Variants in PPFIA2 observed in about 807,000 individuals in gnomAD.
PPFIA2 encodes the protein PPFI scaffold protein A2, also known as liprin-alpha-2.
Under a neutral mutation model 175.5 loss-of-function variants are expected in PPFIA2, and 46 were observed. That is an observed-to-expected ratio of 0.26 (90% CI 0.21 to 0.34). The LOEUF (loss-of-function observed/expected upper bound fraction) is 0.34, where lower values mean the gene tolerates loss of function less well. Among genes scored for constraint, PPFIA2 ranks in the 10% least tolerant of loss-of-function variants. The pLI is 1.00. For missense variants in PPFIA2, 1,179 were observed against 1,506.1 expected (o/e 0.78, Z 3.60); for synonymous variants, 568 against 511.4 (o/e 1.11, Z -1.49).
intron 4 of PPFIA2, among the ~76,000 whole-genome samples, chr12:81,575,630 T>C (rs2073378794): frequency 6.6e-6 from 1 of 151,734 alleles, no homozygotes; most frequent in East Asian, 1.9e-4. Flanking sequence ...TATATAAATG[T>C]ATAATTATAT....
At chr12:81,479,664 T>C (rs1248849971) in intron 4 of PPFIA2, among the ~76,000 whole-genome samples, 1 of 152,244 alleles carries the variant, frequency 6.6e-6, no homozygotes, top group Non-Finnish European at 1.5e-5. Context: ...TAAAGGATTT[T>C]ATTTTTCCTT....
chr12:81,755,868 C>T (rs1019189142), intron 2 of PPFIA2, among the ~76,000 whole-genome samples: 5 of 151,994 alleles, frequency 3.3e-5, no homozygotes, highest in African/African-American at 1.2e-4. Context: ...GCACATACAC[C>T]CTGATACCCA....
At chr12:81,566,503 G>A (rs1387442225) in intron 4 of PPFIA2, among the ~76,000 whole-genome samples, 2 of 119,796 alleles carry the variant, frequency 1.7e-5, no homozygotes, top group Non-Finnish European at 3.2e-5. Context: ...CAGCCTAGCA[G>A]CCTGGTGACA....
intron 21 of PPFIA2, among the ~76,000 whole-genome samples, chr12:81,327,234 A>G (rs2054983526): frequency 6.6e-6 from 1 of 152,056 alleles, no homozygotes; most frequent in African/African-American, 2.4e-5. Context: ...TCTAATTCAG[A>G]GATGTGGAGT....
At chr12:81,593,691 T>C (rs567172749) in intron 4 of PPFIA2, among the ~76,000 whole-genome samples, 2 of 152,098 alleles carry the variant, frequency 1.3e-5, no homozygotes, top group South Asian at 4.1e-4. Flanking sequence ...ACAGAGGAGG[T>C]AGCATGTGAG....
intron 5 of PPFIA2, among the ~76,000 whole-genome samples, chr12:81,449,072 G>C (rs2051892973): frequency 6.6e-6 from 1 of 152,148 alleles, no homozygotes; most frequent in South Asian, 2.1e-4. Context: ...CAGTAACCTG[G>C]TGGACAAACT....
intron 4 of PPFIA2, among the ~76,000 whole-genome samples, chr12:81,466,872 A>AAT (rs1432815879): frequency 6.8e-6 from 1 of 147,258 alleles, no homozygotes; most frequent in South Asian, 2.1e-4. Flanking sequence ...TATAATTTTT[A>AAT]ATATATATAA....
chr12:81,335,914 A>T (rs11114826), intron 21 of PPFIA2, among the ~76,000 whole-genome samples: 54,650 of 151,954 alleles, frequency 0.36, 10,734 homozygotes, highest in East Asian at 0.54. Flanking sequence ...ACTTGGCTTA[A>T]ATTATGCTTT....
chr12:81,285,046 A>T (rs1480840683), intron 24 of PPFIA2, among the ~76,000 whole-genome samples: 3 of 152,102 alleles, frequency 2.0e-5, no homozygotes, highest in East Asian at 1.9e-4. Context: ...GTGTAAAATA[A>T]TTTTTTTTCT....
chr12:81,313,836 G>T (rs1436031248), intron 22 of PPFIA2, among the ~76,000 whole-genome samples: 2 of 151,816 alleles, frequency 1.3e-5, no homozygotes, highest in African/African-American at 4.8e-5. Flanking sequence ...GATTAAATTT[G>T]CACGTAGTGA....
chr12:81,297,431 CTT>C (rs1311145958), intron 23 of PPFIA2, among the ~76,000 whole-genome samples: 1 of 151,990 alleles, frequency 6.6e-6, no homozygotes, highest in African/African-American at 2.4e-5. Flanking sequence ...CAACGAAACT[CTT>C]TGAGTCAGTG....
At chr12:81,533,196 G>A (rs561192716) in intron 4 of PPFIA2, among the ~76,000 whole-genome samples, 2 of 151,552 alleles carry the variant, frequency 1.3e-5, no homozygotes, top group South Asian at 2.1e-4. Context: ...TGTTCAAAAT[G>A]CATTTAGGTA....
At chr12:81,297,532 G>A (rs893690147) in intron 23 of PPFIA2, among the ~76,000 whole-genome samples, 1 of 152,162 alleles carries the variant, frequency 6.6e-6, no homozygotes, top group African/African-American at 2.4e-5. Context: ...CTTCCAGCAG[G>A]TTAGGCACAA....
At chr12:81,454,819 C>T (rs189241872) in intron 5 of PPFIA2, among the ~76,000 whole-genome samples, 110 of 152,038 alleles carry the variant, frequency 7.2e-4, no homozygotes, top group African/African-American at 2.6e-3. Flanking sequence ...CTCAATTACA[C>T]TTTATATTTT....
At chr12:81,332,359 TC>T (rs2056298854) in intron 21 of PPFIA2, among the ~76,000 whole-genome samples, 1 of 152,076 alleles carries the variant, frequency 6.6e-6, no homozygotes, top group Admixed American at 6.6e-5. Context: ...TCCATGACAT[TC>T]TCTCTGGAGC....
At chr12:81,655,250 C>A (rs2067602389) in intron 4 of PPFIA2, among the ~76,000 whole-genome samples, 1 of 151,804 alleles carries the variant, frequency 6.6e-6, no homozygotes, top group Non-Finnish European at 1.5e-5. Flanking sequence ...CCCCAAAAAT[C>A]AACTTTTGCC....
At chr12:81,275,167 T>G (rs1159491457) in intron 28 of PPFIA2, among the ~76,000 whole-genome samples, 1 of 152,196 alleles carries the variant, frequency 6.6e-6, no homozygotes, top group Non-Finnish European at 1.5e-5. Context: ...GTCCATTAAT[T>G]CCCAAATTTC....
intron 5 of PPFIA2, among the ~76,000 whole-genome samples, chr12:81,448,457 A>T (rs1457789687): frequency 6.6e-6 from 1 of 152,132 alleles, no homozygotes; most frequent in Non-Finnish European, 1.5e-5. Context: ...CTATTCTCAA[A>T]ACACTATTTC....
chr12:81,381,959 G>T (rs530158173), intron 9 of PPFIA2, among the ~76,000 whole-genome samples: 2 of 152,132 alleles, frequency 1.3e-5, no homozygotes, highest in Non-Finnish European at 2.9e-5. Flanking sequence ...TCTGAAGACA[G>T]CAGTGAACAA....
Sources: allele counts gnomAD v4.1 joint callset (sites outside exome capture counted in the v4.1 genomes callset), GRCh38; gene constraint gnomAD v4.1.1; transcripts MANE v1.5; gene names NCBI Gene and HGNC (gene_info 2026-07-23, HGNC 2026-07-21).